CEP72: variants seen among roughly 807,000 people sequenced by gnomAD.
CEP72 encodes centrosomal protein 72.
Under a neutral mutation model 65.7 loss-of-function variants are expected in CEP72, and 78 were observed. That is an observed-to-expected ratio of 1.19 (90% CI 0.99 to 1.43). CEP72 has a LOEUF of 1.43. Ranked by LOEUF, CEP72 falls within the 40% of genes most tolerant of loss-of-function variation. CEP72 has a pLI of 0.00. For synonymous variants in CEP72, 358 were observed against 351.7 expected (o/e 1.02, Z -0.20); for missense variants, 914 against 832.9 (o/e 1.10, Z -1.20).
rs1480422082 is a variant in CEP72 at position 624,830 on chromosome 5, A to G, written c.512+251A>G. On this transcript the variant is annotated intron_variant, in intron 4 of 11. Coordinates refer to ENST00000264935, the MANE Select transcript of CEP72 (RefSeq NM_018140.4). This position sits in a 1 kb window ranked among gnomAD's most constrained non-coding sequence, Gnocchi z 4.7. ...AAGGTAATATGTGTAAAATCAACTC[A>G]GCAAAGGGCTTGTCCTGTCCCTTTC... Among the ~76,000 whole-genome samples the G allele has an allele frequency of 1.3e-5, 2 of 152,212 alleles. No homozygotes were observed. The highest frequency in any genetic ancestry group is 2.9e-5 in the Non-Finnish European group (2 of 68,032).
chr5:650,366 CTG>C (rs747061808), intron 11 of CEP72, among the ~76,000 whole-genome samples: 31 of 106,594 alleles, frequency 2.9e-4, no homozygotes, highest in Non-Finnish European at 3.8e-4. Context: ...TGAGGTGTGA[CTG>C]TGAGGCGTGG....
intron 11 of CEP72, 54 bp downstream of exon 11, chr5:647,970 G>C: frequency 7.7e-7 from 1 of 1,296,468 alleles, no homozygotes; most frequent in Non-Finnish European, 1.1e-6. Flanking sequence ...CCCAGGTACA[G>C]GGAGGGTTGG....
At chr5:619,833 A>G (rs1391836580) in intron 2 of CEP72, among the ~76,000 whole-genome samples, 1 of 152,154 alleles carries the variant, frequency 6.6e-6, no homozygotes, top group Non-Finnish European at 1.5e-5. Context: ...GCCTCGGTAG[A>G]TATTAGCTGT....
At chr5:640,197 C>T (rs893902068) in intron 8 of CEP72, among the ~76,000 whole-genome samples, 2 of 152,214 alleles carry the variant, frequency 1.3e-5, no homozygotes, top group African/African-American at 4.8e-5. Flanking sequence ...TCTTGGAGGT[C>T]ACCTCTTCTC....
At position 640,602 on chromosome 5, in the gene CEP72, C is replaced by G. The variant is rs1481193686; in HGVS notation, c.1537C>G (p.Leu513Val). The change falls in exon 9 of 12, where the codon CTG becomes GTG. Residue 513 changes from leucine to valine, a missense_variant and splice_region_variant. By Grantham distance (32) the Leu-to-Val change is conservative. Transcript: ENST00000264935. ...TAELHHTHKE[L>V]DDLRQHLDKS... ...GGAGCTGCACCACACACACAAGGAG[C>G]TGGTGAGCCCGCCCTGGCGCTGTGT... 1 of 1,610,268 alleles carries G rather than the reference C, an allele frequency of 6.2e-7. No homozygotes were observed. The highest frequency in any genetic ancestry group is 1.3e-5 in the African/African-American group (1 of 75,020).
chr5:626,047 G>C (rs200925341), intron 4 of CEP72, among the ~76,000 whole-genome samples: 1 of 37,460 alleles, frequency 2.7e-5, no homozygotes, highest in South Asian at 9.2e-4. Flanking sequence ...TGGGTGGGGG[G>C]CAGGGGGGGG....
the CEP72 span, among the ~76,000 whole-genome samples, chr5:673,943 G>A: frequency 6.6e-5 from 10 of 152,242 alleles, no homozygotes; most frequent in African/African-American, 1.4e-4. Context: ...GTGTGCAGGC[G>A]TGTGTGTGCA....
chr5:672,202 C>T, the CEP72 span, among the ~76,000 whole-genome samples: 8 of 152,158 alleles, frequency 5.3e-5, no homozygotes, highest in South Asian at 2.1e-4. Flanking sequence ...ACCCCAGTGC[C>T]GGCTGGCCGG....
rs779400367 is a variant in CEP72, at chr5:620,182, C to G, written c.324C>G (p.Phe108Leu). Residue 108 changes from phenylalanine (F) to leucine (L), a missense_variant, in exon 3 of 12, where the codon TTC becomes TTG. Physicochemically the swap from Phe to Leu is conservative, Grantham distance 22. Transcript: ENST00000264935. ...HALTELVDVD[F>L]RLNPVVKVEP... ...TAACCGAGCTCGTGGATGTGGACTT[C>G]CGGCTGAACCCCGTGGTGAAGGTTG... 20 of 1,614,184 alleles carry G rather than the reference C, an allele frequency of 1.2e-5. No homozygotes were observed. Among genetic ancestry groups the G allele is most frequent in the Non-Finnish European group, 1.6e-5 (19 of 1,180,030 alleles).
the CEP72 span, among the ~76,000 whole-genome samples, chr5:672,545 A>AG: frequency 1.3e-5 from 2 of 152,198 alleles, no homozygotes; most frequent in Non-Finnish European, 2.9e-5. Context: ...ATGGACCCAT[A>AG]GGGGGCCAGT....
chr5:633,657 C>A, intron 4 of CEP72, 112 bp from the exon 5 acceptor site: 1 of 1,031,506 alleles, frequency 9.7e-7, no homozygotes, highest in Non-Finnish European at 1.5e-6. Flanking sequence ...CCCACGTTTG[C>A]AGCACGCTGC....
chr5:667,420 C>T (rs1739965817), downstream of CEP72, among the ~76,000 whole-genome samples: 1 of 152,168 alleles, frequency 6.6e-6, no homozygotes. Context: ...ACAAAACTAA[C>T]TCAAAATAGA....
Position 637,696 on chromosome 5 carries a change from G to C in CEP72, c.1084G>C (p.Val362Leu), listed in dbSNP as rs201362331. The change falls in exon 7 of 12, where the codon GTG (valine) becomes CTG (leucine). Residue 362 changes from valine to leucine, a missense_variant. Transcript: ENST00000264935. ...CCCGGAGAGAACTCATGGGTCCTCC[G>C]TGCCCAAGGAGAGCCTGAGCAGACA... ...GCPERTHGSS[V>L]PKESLSRQDS... The C allele has an allele frequency of 7.4e-6, 12 of 1,613,678 alleles. No individual in the cohort carries two copies. Among genetic ancestry groups the C allele is most frequent in the Admixed American group, 5.0e-5 (3 of 59,996 alleles).
chr5:646,358 G>T (rs938269157), intron 10 of CEP72, among the ~76,000 whole-genome samples: 1 of 152,052 alleles, frequency 6.6e-6, no homozygotes, highest in African/African-American at 2.4e-5. Flanking sequence ...ATGTTCTTGC[G>T]CCCTAACCCT....
chr5:616,001 G>A (rs1217872190), intron 1 of CEP72, among the ~76,000 whole-genome samples: 1 of 152,042 alleles, frequency 6.6e-6, no homozygotes. Context: ...TATTTCCTCT[G>A]CATACCTTGA....
intron 6 of CEP72, among the ~76,000 whole-genome samples, chr5:636,666 T>A (rs1709557): frequency 0.24 from 37,014 of 151,758 alleles, 4,602 homozygotes; most frequent in East Asian, 0.43. Flanking sequence ...CAAAAATATC[T>A]GGGCATGGTG....
At chr5:650,268 G>A (rs1225193532) in intron 11 of CEP72, among the ~76,000 whole-genome samples, 1 of 105,700 alleles carries the variant, frequency 9.5e-6, no homozygotes, top group African/African-American at 4.0e-5. Flanking sequence ...ACTGTGAGGC[G>A]TGGACTGTGA....
chr5:614,534 T>A (rs1056321427), intron 1 of CEP72, among the ~76,000 whole-genome samples: 5 of 150,338 alleles, frequency 3.3e-5, no homozygotes, highest in Admixed American at 2.0e-4. Flanking sequence ...TTGAAAGCTC[T>A]GCCTCCTGGG....
chr5:661,119 C>G (rs1469626027), downstream of CEP72: 1 of 152,364 alleles, frequency 6.6e-6, no homozygotes, highest in African/African-American at 2.4e-5. Flanking sequence ...GAACAGTCTT[C>G]TCAGCGCTCT....
Sources: allele counts gnomAD v4.1 joint callset (sites outside exome capture counted in the v4.1 genomes callset), GRCh38; gene constraint gnomAD v4.1.1; non-coding constraint Gnocchi (gnomAD v3.1); transcripts MANE v1.5; gene names NCBI Gene and HGNC (gene_info 2026-07-23, HGNC 2026-07-21).